IQCJ: variants seen among roughly 807,000 people sequenced by gnomAD.
The protein encoded by IQCJ is IQ motif containing J.
A neutral mutation model predicts 11.0 loss-of-function variants in IQCJ; 9 were observed. The ratio of observed to expected loss-of-function variants is 0.82; its 90% confidence interval spans 0.49 to 1.43. The LOEUF is 1.43. Ranked by LOEUF, IQCJ falls within the 40% of genes most tolerant of loss-of-function variation. IQCJ has a pLI of 0.00. For missense variants in IQCJ, 146 were observed against 133.2 expected (o/e 1.10, Z -0.47); for synonymous variants, 55 against 51.3 (o/e 1.07, Z -0.31).
At chr3:159,262,173 GCCT>G (rs1283591977) in intron 3 of IQCJ, among the ~76,000 whole-genome samples, 3 of 152,198 alleles carry the variant, frequency 2.0e-5, no homozygotes, top group Non-Finnish European at 4.4e-5. Context: ...GTAGTAGTCA[GCCT>G]ATTTATTATT....
chr3:159,162,748 C>T (rs1346388044), intron 1 of IQCJ, among the ~76,000 whole-genome samples: 4 of 152,120 alleles, frequency 2.6e-5, no homozygotes, highest in African/African-American at 9.7e-5. Flanking sequence ...GATATCACCA[C>T]CGATCCTACA....
chr3:159,219,323 T>A (rs1359740689), intron 1 of IQCJ, among the ~76,000 whole-genome samples: 1 of 152,094 alleles, frequency 6.6e-6, no homozygotes, highest in African/African-American at 2.4e-5. Flanking sequence ...AAAAAACTGC[T>A]CTTTATAAGA....
At position 159,256,945 on chromosome 3, in the gene IQCJ, G is replaced by A. The variant is rs144628827; in HGVS notation, c.155+4138G>A. ...GACTTCTTGCAGGGGTTACAAAGAA[G>A]TTATTCTTACTCCTATTTTATGGAT... On this transcript the variant is annotated intron_variant, in intron 3 of 3. Coordinates refer to ENST00000397832, the MANE Select transcript of IQCJ (RefSeq NM_001042706.3). Among the ~76,000 whole-genome samples, 623 of 152,290 alleles carry A rather than the reference G, an allele frequency of 4.1e-3. 2 individuals carry two copies. Among genetic ancestry groups the A allele is most frequent in the African/African-American group, 0.014 (577 of 41,558 alleles).
chr3:159,205,012 C>T (rs574755425), intron 1 of IQCJ, among the ~76,000 whole-genome samples: 9 of 152,298 alleles, frequency 5.9e-5, no homozygotes, highest in African/African-American at 2.2e-4. Flanking sequence ...CTCCTGGTCT[C>T]ACATGTTTGT....
At chr3:159,144,442 A>G (rs1720807310) in intron 1 of IQCJ, among the ~76,000 whole-genome samples, 2 of 152,288 alleles carry the variant, frequency 1.3e-5, no homozygotes, top group South Asian at 4.1e-4. Flanking sequence ...GGCTGAACAA[A>G]CATGTAGTTG....
intron 1 of IQCJ, among the ~76,000 whole-genome samples, chr3:159,071,062 A>G (rs1715532143): frequency 6.6e-6 from 1 of 152,000 alleles, no homozygotes; most frequent in Admixed American, 6.6e-5. Flanking sequence ...TCAGTGTGAA[A>G]GCTACTCTTA....
intron 1 of IQCJ, among the ~76,000 whole-genome samples, chr3:159,163,574 A>G (rs1183952965): frequency 1.3e-5 from 2 of 152,200 alleles, no homozygotes; most frequent in Non-Finnish European, 2.9e-5. Flanking sequence ...CATGTTGGCC[A>G]GGCTGGTCTT....
intron 1 of IQCJ, among the ~76,000 whole-genome samples, chr3:159,150,615 C>CACACAT (rs200139441): frequency 2.3e-3 from 341 of 149,934 alleles, no homozygotes; most frequent in African/African-American, 7.4e-3. Flanking sequence ...CACACACACA[C>CACACAT]ATATTCTGGG....
chr3:159,169,288 T>C (rs1378767440), intron 1 of IQCJ, among the ~76,000 whole-genome samples: 10 of 143,828 alleles, frequency 7.0e-5, no homozygotes, highest in Non-Finnish European at 1.4e-4. Context: ...TCTTTTTTTT[T>C]TTTTTTTTTT....
intron 1 of IQCJ, among the ~76,000 whole-genome samples, chr3:159,149,391 G>T (rs1265748340): frequency 1.3e-5 from 2 of 152,180 alleles, no homozygotes; most frequent in Non-Finnish European, 2.9e-5. Flanking sequence ...GATATTAGAT[G>T]TGAACAGCTT....
At chr3:159,079,087 G>A (rs937597084) in intron 1 of IQCJ, among the ~76,000 whole-genome samples, 1 of 152,090 alleles carries the variant, frequency 6.6e-6, no homozygotes, top group African/African-American at 2.4e-5. Context: ...CAGAGTGGGT[G>A]CCAATCAGCT....
At chr3:159,255,999 T>G (rs899511051) in intron 3 of IQCJ, among the ~76,000 whole-genome samples, 1 of 152,190 alleles carries the variant, frequency 6.6e-6, no homozygotes, top group Non-Finnish European at 1.5e-5. Flanking sequence ...GAATGCAGGC[T>G]TAGTGAGAAG....
chr3:159,202,765 G>A (rs534344681), intron 1 of IQCJ, among the ~76,000 whole-genome samples: 2 of 152,304 alleles, frequency 1.3e-5, no homozygotes, highest in Admixed American at 1.3e-4. Context: ...AGCCTCCTGA[G>A]TAGCTGGGAC....
At chr3:159,193,053 G>A (rs888518780) in intron 1 of IQCJ, among the ~76,000 whole-genome samples, 4 of 152,074 alleles carry the variant, frequency 2.6e-5, no homozygotes, top group South Asian at 2.1e-4. Context: ...CAACCCAGAC[G>A]GTCATCTCTA....
At chr3:159,096,250 A>G (rs1436323834) in intron 1 of IQCJ, among the ~76,000 whole-genome samples, 1 of 146,742 alleles carries the variant, frequency 6.8e-6, no homozygotes, top group East Asian at 2.0e-4. Context: ...AGTTCATTGT[A>G]GATTCTGGAT....
chr3:159,230,590 A>G lies in IQCJ; in HGVS notation c.10-15253A>G, dbSNP rs543126761. Among the ~76,000 whole-genome samples the G allele has an allele frequency of 7.8e-4, 119 of 152,298 alleles. 1 individual carries two copies. The highest frequency in any genetic ancestry group is 2.7e-3 in the African/African-American group (114 of 41,570). On this transcript the variant is annotated intron_variant, in intron 1 of 3. Coordinates refer to ENST00000397832, the MANE Select transcript of IQCJ (RefSeq NM_001042706.3). ...TAAACAGTGATGCCTGCTTCATACA[A>G]TCTCACACAGAAAGAAGGCATTAGA...
At chr3:159,194,766 G>A (rs996880289) in intron 1 of IQCJ, among the ~76,000 whole-genome samples, 2 of 152,148 alleles carry the variant, frequency 1.3e-5, no homozygotes, top group East Asian at 3.9e-4. Context: ...GCTTCCTAGA[G>A]TCATCCTACA....
chr3:159,150,667 A>C (rs1053728215), intron 1 of IQCJ, among the ~76,000 whole-genome samples: 5 of 151,886 alleles, frequency 3.3e-5, no homozygotes, highest in African/African-American at 4.8e-5. Context: ...CTGCTTGTCC[A>C]TTTCTGTACC....
intron 1 of IQCJ, among the ~76,000 whole-genome samples, chr3:159,196,162 G>C (rs762240534): frequency 7.9e-5 from 12 of 152,050 alleles, no homozygotes; most frequent in Non-Finnish European, 1.8e-4. Context: ...TTGAACCTAC[G>C]CCTAATTTCA....
Sources: allele counts gnomAD v4.1 joint callset (sites outside exome capture counted in the v4.1 genomes callset), GRCh38; gene constraint gnomAD v4.1.1; transcripts MANE v1.5; gene names NCBI Gene and HGNC (gene_info 2026-07-23, HGNC 2026-07-21).